The following EGLN1 variants were observed in gnomAD, a reference collection of about 807,000 sequenced individuals.
The protein encoded by EGLN1 is egl nine homolog 1.
Under a neutral mutation model 38.3 loss-of-function variants are expected in EGLN1, and 17 were observed. The ratio of observed to expected loss-of-function variants is 0.44; its 90% CI spans 0.30 to 0.67. The LOEUF is 0.67. Ranked by LOEUF, EGLN1 falls within the 30% of genes least tolerant of loss-of-function variation. EGLN1 has a pLI of 0.08. For synonymous variants in EGLN1, 283 were observed against 257.5 expected, an observed-to-expected ratio of 1.10 and a Z score of -0.95; for missense variants, 477 against 603.3, an observed-to-expected ratio of 0.79 and a Z score of 2.19.
chr1:231,378,737 A>G (rs919480080), intron 1 of EGLN1, among the ~76,000 whole-genome samples: 1 of 152,210 alleles, frequency 6.6e-6, no homozygotes, highest in African/African-American at 2.4e-5. Context: ...ATGAAGCTGA[A>G]CCAGGAAACT....
rs747472895 is a variant in EGLN1 at position 231,412,011 on chromosome 1, C to CAAAAAAAAAAA, written c.891+8976_891+8986dup. ...TGGGTGACAGAGTGAGACTCCATCTCAAAAAAAAAAAAAAAAAAAAAAAAA... is the reference window on the plus strand; with the variant it reads ...TGGGTGACAGAGTGAGACTCCATCTCAAAAAAAAAAAAAAAAAAAAAAAAAAAAAAAAAAAA... On this transcript the variant is annotated intron_variant, in intron 1 of 4. Transcript: ENST00000366641. Among the ~76,000 whole-genome samples the CAAAAAAAAAAA allele has an allele frequency of 3.3e-4, 11 of 33,664 alleles. 3 individuals carry two copies. Among genetic ancestry groups the CAAAAAAAAAAA allele is most frequent in the Admixed American group, 1.1e-3 (2 of 1,850 alleles). The allele number at this position is 33,664 out of a possible 152,430, so 22.1% of individuals were successfully genotyped here.
intron 1 of EGLN1, among the ~76,000 whole-genome samples, chr1:231,395,288 G>A (rs1482141355): frequency 2.0e-5 from 3 of 152,174 alleles, no homozygotes; most frequent in Non-Finnish European, 4.4e-5. Context: ...CTATGAAGAA[G>A]TCCTATGTCA....
rs1191315717 is a variant in EGLN1 at position 231,421,345 on chromosome 1, T to G, written c.544A>C (p.Asn182His). The change falls in exon 1 of 5, where the codon AAC becomes CAC. Residue 182 changes from asparagine to histidine, a missense_variant. Coordinates refer to ENST00000366641, the MANE Select transcript of EGLN1 (RefSeq NM_022051.3). The surrounding 1 kb of genome is among the most constrained non-coding windows in gnomAD (Gnocchi z 5.5). ...GCCGGCAGGGGCTTCGTCTGCCCGT[T>G]GGGCCGCAGGCCGCCGCCGGGGCTC... ...ALSPGGGLRP[N>H]GQTKPLPALK... 12 of 1,610,820 alleles carry G rather than the reference T, an allele frequency of 7.4e-6. No homozygotes were observed. Among genetic ancestry groups the G allele is most frequent in the Non-Finnish European group, 1.0e-5 (12 of 1,178,694 alleles).
intron 1 of EGLN1, among the ~76,000 whole-genome samples, chr1:231,402,174 A>C (rs1688678832): frequency 1.3e-5 from 2 of 151,874 alleles, no homozygotes; most frequent in South Asian, 4.1e-4. Flanking sequence ...TCTTCTTCTT[A>C]TTAATACATT....
At chr1:231,391,092 T>G (rs142830680) in intron 1 of EGLN1, among the ~76,000 whole-genome samples, 22,436 of 66,994 alleles carry the variant, frequency 0.33, 5,527 homozygotes, top group East Asian at 0.5. Flanking sequence ...TGTTTTTTTT[T>G]TGTGTGTGTG....
rs1656576951 is a variant in EGLN1, at chr1:231,421,146, G to C, written c.743C>G (p.Ser248Cys). ...GATCTTATCGCCTCGGATGTCCTTG[G>C]ACGAGTCACTCTTCTGGCTGACCAG... ...GQLVSQKSDS[S>C]KDIRGDKITW... The change falls in exon 1 of 5, where the codon TCC becomes TGC. Residue 248 changes from serine (S) to cysteine (C), a missense_variant. Physicochemically the swap from Ser to Cys is moderately radical, Grantham distance 112 (BLOSUM62 -1). This residue lies in a region of EGLN1 where 119 missense variants were observed against 179.0 expected (regional missense o/e 0.66). Coordinates refer to ENST00000366641, the MANE Select transcript of EGLN1 (RefSeq NM_022051.3). This position sits in a 1 kb window ranked among gnomAD's most constrained non-coding sequence, Gnocchi z 5.5. 1 of 1,614,058 alleles carries C rather than the reference G, an allele frequency of 6.2e-7. No homozygotes were observed. Among genetic ancestry groups the C allele is most frequent in the Non-Finnish European group, 8.5e-7 (1 of 1,180,036 alleles).
intron 1 of EGLN1, among the ~76,000 whole-genome samples, chr1:231,419,959 C>G (rs756138204): frequency 6.6e-6 from 1 of 152,110 alleles, no homozygotes; most frequent in Non-Finnish European, 1.5e-5. Context: ...CCCACAAAAT[C>G]AGAGACTGAT....
At chr1:231,388,691 G>C (rs994478739) in intron 1 of EGLN1, among the ~76,000 whole-genome samples, 3 of 152,008 alleles carry the variant, frequency 2.0e-5, no homozygotes, top group Non-Finnish European at 4.4e-5. Flanking sequence ...GTCTCTCTCT[G>C]TCGCCCAGGC....
intron 1 of EGLN1, among the ~76,000 whole-genome samples, chr1:231,374,394 CG>C (rs2102898510): frequency 6.6e-6 from 1 of 152,258 alleles, no homozygotes; most frequent in East Asian, 1.9e-4. Flanking sequence ...AGATCAAGTA[CG>C]TTTTTGTCCT....
At chr1:231,366,741 T>C (rs1415497694) in intron 4 of EGLN1, among the ~76,000 whole-genome samples, 1 of 152,242 alleles carries the variant, frequency 6.6e-6, no homozygotes, top group African/African-American at 2.4e-5. Flanking sequence ...TTTGAGTTTC[T>C]TCAACAGAGT....
At chr1:231,391,448 T>C (rs1688384960) in intron 1 of EGLN1, among the ~76,000 whole-genome samples, 1 of 124,056 alleles carries the variant, frequency 8.1e-6, no homozygotes, top group Admixed American at 8.3e-5. Context: ...AGGGGTCTCC[T>C]GATTTCCAAT....
chr1:231,388,830 T>C (rs2102912625), intron 1 of EGLN1, among the ~76,000 whole-genome samples: 1 of 152,194 alleles, frequency 6.6e-6, no homozygotes, highest in Middle Eastern at 3.4e-3. Flanking sequence ...AATTTTTATA[T>C]TTTTAATAGA....
intron 1 of EGLN1, among the ~76,000 whole-genome samples, chr1:231,375,472 G>A (rs1314910534): frequency 6.6e-6 from 1 of 152,198 alleles, no homozygotes; most frequent in Non-Finnish European, 1.5e-5. Flanking sequence ...AAAGAAAAAT[G>A]CTAATTTTTA....
In EGLN1 at chr1:231,420,953, C is replaced by T. The variant is rs758524020; in HGVS notation, c.891+45G>A. 4 of 1,613,584 alleles carry T rather than the reference C, an allele frequency of 2.5e-6. No homozygotes were observed. The South Asian group carries it at 3.3e-5, about 13-fold the overall frequency. Reference sequence around the variant, plus strand: ...GTTTCAGTCGCAGGCAGGGGCTGCCCGCCGAGAAGGGCCTGTCCAGCACAA... The same window carrying T: ...GTTTCAGTCGCAGGCAGGGGCTGCCTGCCGAGAAGGGCCTGTCCAGCACAA... On this transcript the variant is annotated intron_variant, in intron 1 of 4. Transcript: ENST00000366641.
chr1:231,417,715 A>T (rs1689121842), intron 1 of EGLN1, among the ~76,000 whole-genome samples: 4 of 152,176 alleles, frequency 2.6e-5, no homozygotes, highest in Admixed American at 2.6e-4. Context: ...CTCCTGTATG[A>T]CTTCATTTTT....
intron 1 of EGLN1, among the ~76,000 whole-genome samples, chr1:231,419,634 TCC>T (rs1207397377): frequency 6.6e-6 from 1 of 152,138 alleles, no homozygotes; most frequent in Non-Finnish European, 1.5e-5. Flanking sequence ...TTTCATCAGA[TCC>T]CCCTTTTCCT....
intron 4 of EGLN1, among the ~76,000 whole-genome samples, 195 bp from the exon 5 acceptor site, chr1:231,366,670 T>TC (rs1491539535): frequency 1.3e-5 from 2 of 152,138 alleles, no homozygotes; most frequent in African/African-American, 4.8e-5. Context: ...TAGTAAACCT[T>TC]CAAGGATAAA....
intron 1 of EGLN1, among the ~76,000 whole-genome samples, chr1:231,391,665 CTA>C (rs1228756026): frequency 2.0e-5 from 3 of 152,086 alleles, no homozygotes; most frequent in Non-Finnish European, 2.9e-5. Context: ...GCACATGAGA[CTA>C]TCTTTTTATT....
chr1:231,391,768 T>C (rs902474312), intron 1 of EGLN1, among the ~76,000 whole-genome samples: 5 of 152,114 alleles, frequency 3.3e-5, no homozygotes, highest in African/African-American at 9.7e-5. Flanking sequence ...CTATTAGCTT[T>C]TTATAAAAAA....
Sources: allele counts gnomAD v4.1 joint callset (sites outside exome capture counted in the v4.1 genomes callset), GRCh38; gene constraint gnomAD v4.1.1; regional missense constraint gnomAD v4.1.1; non-coding constraint Gnocchi (gnomAD v3.1); transcripts MANE v1.5; gene names NCBI Gene and HGNC (gene_info 2026-07-23, HGNC 2026-07-21).